LRCH2: variants seen among roughly 807,000 people sequenced by gnomAD.
LRCH2 encodes leucine-rich repeat and calponin homology domain-containing protein 2.
Under a neutral mutation model 68.9 loss-of-function variants are expected in LRCH2, and 38 were observed. The ratio of observed to expected loss-of-function variants is 0.55; its 90% CI spans 0.43 to 0.72. LRCH2 has a LOEUF of 0.72. Among genes scored for constraint, LRCH2 ranks in the 30% least tolerant of loss-of-function variants. The probability of loss-of-function intolerance (pLI) is 0.00; values close to 1 mark genes in which losing one functional copy is unlikely to be tolerated. For missense variants in LRCH2, 528 were observed against 572.9 expected (o/e 0.92, Z 0.80); for synonymous variants, 191 against 208.1 (o/e 0.92, Z 0.71).
At chrX:115,158,463 G>T (rs782064132) in intron 11 of LRCH2, among the ~76,000 whole-genome samples, 1 of 111,978 alleles carries the variant, frequency 8.9e-6, no homozygotes, top group Non-Finnish European at 1.9e-5. Flanking sequence ...ATGTTCACAT[G>T]ATCAGGGAAA....
chrX:115,163,626 T>G (rs949909906), intron 11 of LRCH2, 50 bp downstream of exon 11: 39 of 859,337 alleles, frequency 4.5e-5, no homozygotes, highest in Non-Finnish European at 6.3e-5. Flanking sequence ...AATAATCAAT[T>G]TAATGATTAT....
intron 14 of LRCH2, among the ~76,000 whole-genome samples, chrX:115,149,497 T>C (rs185321480): frequency 8.9e-6 from 1 of 112,082 alleles, no homozygotes; most frequent in East Asian, 2.8e-4. Flanking sequence ...GTGTCAAATA[T>C]TTATTGAAAC....
At chrX:115,155,683 T>C (rs2072469475) in intron 12 of LRCH2, among the ~76,000 whole-genome samples, 1 of 112,052 alleles carries the variant, frequency 8.9e-6, no homozygotes, top group Admixed American at 9.5e-5. Flanking sequence ...ATTTACTACA[T>C]TAACCCATTT....
At chrX:115,146,694 G>A (rs1437231833) in intron 14 of LRCH2, among the ~76,000 whole-genome samples, 1 of 109,596 alleles carries the variant, frequency 9.1e-6, no homozygotes, top group African/African-American at 3.3e-5. Flanking sequence ...TAATCTATAC[G>A]ATAGCGGCCT....
At chrX:115,206,270 T>C (rs1428159657) in intron 1 of LRCH2, among the ~76,000 whole-genome samples, 1 of 112,296 alleles carries the variant, frequency 8.9e-6, no homozygotes, top group African/African-American at 3.2e-5. Context: ...TTTAATGGAG[T>C]TAAATAAAGA....
At chrX:115,170,523 G>A in intron 5 of LRCH2, 91 bp from the exon 6 acceptor site, 1 of 795,213 alleles carries the variant, frequency 1.3e-6, no homozygotes, top group Non-Finnish European at 1.7e-6. Flanking sequence ...AAATTACATT[G>A]AGACATCACA....
chrX:115,192,456 C>G, intron 1 of LRCH2: 9 of 1,168,877 alleles, frequency 7.7e-6, no homozygotes, highest in Non-Finnish European at 1.0e-5. Context: ...GCAACAGTTA[C>G]GGCCGGAGCG....
chrX:115,168,163 G>A (rs1486600003), intron 6 of LRCH2, among the ~76,000 whole-genome samples: 1 of 112,105 alleles, frequency 8.9e-6, no homozygotes, highest in Non-Finnish European at 1.9e-5. Flanking sequence ...AAGTACTGTA[G>A]TGCCTATCTA....
At chrX:115,144,882 A>G (rs150916392) in intron 14 of LRCH2, among the ~76,000 whole-genome samples, 1 of 112,087 alleles carries the variant, frequency 8.9e-6, no homozygotes, top group Non-Finnish European at 1.9e-5. Flanking sequence ...AGAGCAATCT[A>G]TAGATTCAAT....
intron 14 of LRCH2, among the ~76,000 whole-genome samples, chrX:115,146,800 T>C (rs1047483790): frequency 2.8e-5 from 3 of 108,885 alleles, no homozygotes; most frequent in African/African-American, 1.0e-4. Context: ...ATCTAGCCAA[T>C]ATGTTGAAAC....
At chrX:115,136,708 G>A (rs1426345357) in intron 14 of LRCH2, among the ~76,000 whole-genome samples, 2 of 111,742 alleles carry the variant, frequency 1.8e-5, no homozygotes, top group Admixed American at 9.6e-5. Flanking sequence ...AATGAGGCTA[G>A]TGAGGAAAGT....
intron 2 of LRCH2, 45 bp from the exon 3 acceptor site, chrX:115,184,582 G>A (rs1556553767): frequency 2.9e-6 from 3 of 1,036,675 alleles, no homozygotes; most frequent in Non-Finnish European, 3.8e-6. Context: ...TGTATGTAAT[G>A]TGACATATTA....
At chrX:115,213,584 C>T (rs1479913915) in intron 1 of LRCH2, among the ~76,000 whole-genome samples, 2 of 111,936 alleles carry the variant, frequency 1.8e-5, no homozygotes, top group Non-Finnish European at 3.8e-5. Flanking sequence ...ACTCCAACAC[C>T]AAATAATACC....
intron 1 of LRCH2, among the ~76,000 whole-genome samples, chrX:115,197,278 A>T (rs1201974241): frequency 5.4e-5 from 6 of 111,522 alleles, no homozygotes; most frequent in African/African-American, 2.0e-4. Context: ...ATAATTCTCC[A>T]GCAGTAGATC....
At chrX:115,140,155 T>C (rs782295103) in intron 14 of LRCH2, among the ~76,000 whole-genome samples, 1 of 111,446 alleles carries the variant, frequency 9.0e-6, no homozygotes, top group East Asian at 2.9e-4. Flanking sequence ...TCTTACCTCT[T>C]GGATACCAGC....
At chrX:115,155,061 A>AAG (rs781883991) in intron 12 of LRCH2, among the ~76,000 whole-genome samples, 3 of 75,499 alleles carry the variant, frequency 4.0e-5, no homozygotes, top group Non-Finnish European at 5.2e-5. Flanking sequence ...AAAAAAAAAA[A>AAG]AGAGAGAGAG....
At chrX:115,147,970 T>C (rs1435978536) in intron 14 of LRCH2, among the ~76,000 whole-genome samples, 1 of 111,275 alleles carries the variant, frequency 9.0e-6, no homozygotes, top group African/African-American at 3.3e-5. Flanking sequence ...GAGGATCACG[T>C]GAGCCCAGAG....
chrX:115,207,759 C>A (rs142209778), intron 1 of LRCH2, among the ~76,000 whole-genome samples: 2 of 111,929 alleles, frequency 1.8e-5, no homozygotes, highest in East Asian at 5.6e-4. Flanking sequence ...AGATATCAGA[C>A]CCTAATTCTG....
chrX:115,135,282 C>T (rs184117468), intron 14 of LRCH2, among the ~76,000 whole-genome samples: 3 of 108,358 alleles, frequency 2.8e-5, no homozygotes, highest in South Asian at 4.2e-4. Context: ...CATGTGCCAC[C>T]GTGACCAGCT....
Sources: gnomAD v4.1 joint callset for allele counts (sites outside exome capture counted in the v4.1 genomes callset) on GRCh38, gnomAD v4.1.1 for gene constraint, MANE v1.5 for transcripts, NCBI Gene and HGNC (gene_info 2026-07-23, HGNC 2026-07-21) for gene names.